AGPAT5: variants seen among roughly 807,000 people sequenced by gnomAD.
AGPAT5 encodes 1-acylglycerol-3-phosphate O-acyltransferase 5.
A neutral mutation model predicts 45.6 loss-of-function variants in AGPAT5; 46 were observed. The ratio of observed to expected loss-of-function variants is 1.01; its 90% CI spans 0.80 to 1.29. The LOEUF (loss-of-function observed/expected upper bound fraction) is 1.29. Ranked by LOEUF, AGPAT5 falls within the 50% of genes most tolerant of loss-of-function variation. The pLI is 0.00. For missense variants in AGPAT5, 673 were observed against 450.7 expected, an observed-to-expected ratio of 1.49 and a Z score of -4.47; for synonymous variants, 272 against 167.0, an observed-to-expected ratio of 1.63 and a Z score of -4.85.
intron 6 of AGPAT5, among the ~76,000 whole-genome samples, chr8:6,750,911 T>C (rs1801636030): frequency 6.6e-6 from 1 of 152,238 alleles, no homozygotes; most frequent in Admixed American, 6.5e-5. Flanking sequence ...ATTTTAGATT[T>C]AGCATTCCCG....
At chr8:6,722,832 T>A (rs962356971) in intron 1 of AGPAT5, among the ~76,000 whole-genome samples, 1 of 152,036 alleles carries the variant, frequency 6.6e-6, no homozygotes, top group African/African-American at 2.4e-5. Context: ...AAAGAGAAAT[T>A]TTTTTTTCTG....
chr8:6,711,225 G>T (rs578083601), intron 1 of AGPAT5, among the ~76,000 whole-genome samples: 1 of 152,226 alleles, frequency 6.6e-6, no homozygotes, highest in Non-Finnish European at 1.5e-5. Context: ...GTAGGTCCAT[G>T]AGATTTATGA....
At chr8:6,731,739 A>G (rs1198163041) in intron 3 of AGPAT5, among the ~76,000 whole-genome samples, 7 of 151,590 alleles carry the variant, frequency 4.6e-5, no homozygotes, top group Non-Finnish European at 8.8e-5. Flanking sequence ...AGTGATCTGT[A>G]TGATATTAAA....
chr8:6,732,503 C>G (rs1800896378), intron 3 of AGPAT5, 58 bp from the exon 4 acceptor site: 9 of 1,442,630 alleles, frequency 6.2e-6, no homozygotes, highest in Non-Finnish European at 7.5e-6. Context: ...TTTTTGATGA[C>G]TCTGGCCAAT....
At chr8:6,710,820 T>A (rs967674459) in intron 1 of AGPAT5, among the ~76,000 whole-genome samples, 8 of 152,224 alleles carry the variant, frequency 5.3e-5, no homozygotes, top group Admixed American at 5.2e-4. Flanking sequence ...TCTGTCACCT[T>A]ATTTTTTACC....
At chr8:6,711,105 G>T (rs1346034585) in intron 1 of AGPAT5, among the ~76,000 whole-genome samples, 3 of 152,036 alleles carry the variant, frequency 2.0e-5, no homozygotes, top group Non-Finnish European at 4.4e-5. Context: ...TTTTTTAAAT[G>T]ACATTTTTAC....
At chr8:6,713,099 C>T (rs955921759) in intron 1 of AGPAT5, among the ~76,000 whole-genome samples, 6 of 152,124 alleles carry the variant, frequency 3.9e-5, no homozygotes, top group African/African-American at 1.2e-4. Context: ...TTCAAGTGAT[C>T]CTCCGGAGTA....
intron 6 of AGPAT5, among the ~76,000 whole-genome samples, chr8:6,749,936 T>C (rs2116952521): frequency 6.6e-6 from 1 of 152,354 alleles, no homozygotes; most frequent in Middle Eastern, 3.4e-3. Flanking sequence ...ATCTCTGCCT[T>C]GCCTTCGCTT....
chr8:6,717,208 G>GT (rs1800361572), intron 1 of AGPAT5, among the ~76,000 whole-genome samples: 2 of 152,206 alleles, frequency 1.3e-5, no homozygotes. Context: ...AAGGTTTTAT[G>GT]TTGTTTCTTC....
chr8:6,732,650 A>G lies in AGPAT5; in HGVS notation c.495A>G (p.Pro165=), dbSNP rs1252982026. 2 of 1,595,526 alleles carry G rather than the reference A, an allele frequency of 1.3e-6. No homozygotes were observed. Among genetic ancestry groups the G allele is most frequent in the South Asian group, 2.3e-5 (2 of 86,836 alleles). Residue 165 remains proline (P), a splice_region_variant and synonymous_variant, in exon 4 of 8, where the codon CCA becomes CCG. Coordinates refer to ENST00000285518, the MANE Select transcript of AGPAT5 (RefSeq NM_018361.5). ...AGAGCTACGTGGACGCAGGAACTCC[A>G]GTAAGAGCCTACCCGTTTTTATTTT... The part of the protein sequence containing the change: ...KLQSYVDAGT[P]MYLVIFPEGT...
chr8:6,750,195 C>T (rs180783051), intron 6 of AGPAT5, among the ~76,000 whole-genome samples: 176 of 152,324 alleles, frequency 1.2e-3, no homozygotes, highest in Non-Finnish European at 1.4e-3. Flanking sequence ...GCACTGATGG[C>T]GTGTGTTACA....
At chr8:6,723,453 C>T (rs371304365) in intron 1 of AGPAT5, among the ~76,000 whole-genome samples, 45 of 152,264 alleles carry the variant, frequency 3.0e-4, no homozygotes, top group East Asian at 1.9e-3. Flanking sequence ...CTACCGACCC[C>T]GCCCGCCCAC....
intron 1 of AGPAT5, among the ~76,000 whole-genome samples, chr8:6,714,565 T>G (rs1423963277): frequency 6.6e-6 from 1 of 152,230 alleles, no homozygotes; most frequent in Admixed American, 6.5e-5. Flanking sequence ...AAATCACAGA[T>G]GCAATTATAC....
rs1801923697 is a variant in AGPAT5 at position 6,758,580 on chromosome 8, T to G, written c.*1192T>G. 6.6e-6 allele frequency: 1 copy of G among 152,366 alleles called. No individual in the cohort carries two copies. Among genetic ancestry groups the G allele is most frequent in the African/African-American group, 2.4e-5 (1 of 41,458 alleles). The allele number at this position is 152,366 out of a possible 1,614,324, so 9.4% of individuals were successfully genotyped here. On this transcript the variant is annotated 3_prime_UTR_variant, in exon 8 of 8. Transcript: ENST00000285518. ...TTTTGCATTTGTCTGTGTCAAGAAG[T>G]TCACCTTCTCAAGCCAGTGAAATAC... is the stretch of plus-strand genomic sequence containing the variant.
chr8:6,753,609 A>G (rs995119525), intron 6 of AGPAT5, among the ~76,000 whole-genome samples: 1 of 152,140 alleles, frequency 6.6e-6, no homozygotes, highest in Admixed American at 6.5e-5. Flanking sequence ...AGAGAGGCGG[A>G]CAGTTGTCCA....
intron 1 of AGPAT5, among the ~76,000 whole-genome samples, chr8:6,719,178 A>G (rs1157188234): frequency 6.6e-6 from 1 of 152,262 alleles, no homozygotes; most frequent in African/African-American, 2.4e-5. Flanking sequence ...GCAAGTTTAG[A>G]ACATCACATA....
intron 1 of AGPAT5, among the ~76,000 whole-genome samples, chr8:6,721,109 A>G (rs772308186): frequency 2.6e-5 from 4 of 152,212 alleles, no homozygotes; most frequent in African/African-American, 7.2e-5. Context: ...GCTGTTTGCT[A>G]TTTTGATCTT....
intron 6 of AGPAT5, among the ~76,000 whole-genome samples, chr8:6,750,311 C>G (rs1177494991): frequency 1.3e-5 from 2 of 152,192 alleles, no homozygotes; most frequent in African/African-American, 4.8e-5. Context: ...TGGGTTCCAA[C>G]CTCCCACTGC....
intron 5 of AGPAT5, among the ~76,000 whole-genome samples, chr8:6,742,622 A>G (rs1473866084): frequency 3.3e-5 from 5 of 152,196 alleles, no homozygotes; most frequent in African/African-American, 7.2e-5. Context: ...GCTCCTACCA[A>G]TGTGGTTTTT....
Sources: gnomAD v4.1 joint callset for allele counts (sites outside exome capture counted in the v4.1 genomes callset) on GRCh38, gnomAD v4.1.1 for gene constraint, MANE v1.5 for transcripts, NCBI Gene and HGNC (gene_info 2026-07-23, HGNC 2026-07-21) for gene names.